The following CFAP74 variants were observed in gnomAD, a reference collection of about 807,000 sequenced individuals.
CFAP74 encodes cilia and flagella associated protein 74.
Under a neutral mutation model 188.9 loss-of-function variants are expected in CFAP74, and 124 were observed. The observed-to-expected ratio is 0.66, with a 90% confidence interval of 0.57 to 0.76. CFAP74 has a LOEUF of 0.76. CFAP74 is among the 30% of genes least tolerant of loss of function. The pLI, the probability that CFAP74 is intolerant of heterozygous loss-of-function variation, is 0.00. For synonymous variants in CFAP74, 956 were observed against 916.7 expected, an observed-to-expected ratio of 1.04 and a Z score of -0.77; for missense variants, 2,198 against 2,165.2, an observed-to-expected ratio of 1.02 and a Z score of -0.30.
chr1:1,993,825 A>G (rs1388452229), intron 1 of CFAP74, among the ~76,000 whole-genome samples: 1 of 138,526 alleles, frequency 7.2e-6, no homozygotes, highest in Non-Finnish European at 1.6e-5. Context: ...TACTAAAAAT[A>G]CAAAAAATTA....
chr1:1,944,556 A>G, intron 20 of CFAP74, 104 bp from the exon 21 acceptor site: 1 of 1,220,714 alleles, frequency 8.2e-7, no homozygotes, highest in South Asian at 1.4e-5. Context: ...CATGGGCTTG[A>G]GTTTTCTAAC....
At position 1,924,417 on chromosome 1, in the gene CFAP74, G is replaced by A. The variant is rs769266515; in HGVS notation, c.4208C>T (p.Ser1403Leu). The change falls in exon 34 of 39, where the codon TCG becomes TTG. Residue 1403 changes from serine to leucine, a missense_variant. Transcript: ENST00000682832. ...GQQQLPQFLS[S>L]PSQRTEVVGT... ...GACCACCTCCGTCCTCTGGGAGGGC[G>A]AGCTGAGGAACTGCGGCAGCTGCTG... 3.3e-5 allele frequency: 51 copies of A among 1,523,414 alleles called. No individual in the cohort carries two copies. Among genetic ancestry groups the A allele is most frequent in the Non-Finnish European group, 4.1e-5 (47 of 1,142,918 alleles). The allele number at this position is 1,523,414 out of a possible 1,614,324, so 94.4% of individuals were successfully genotyped here.
At position 1,975,528 on chromosome 1, in the gene CFAP74, C is replaced by T. The variant is rs573917774; in HGVS notation, c.501-1330G>A. 2.7e-4 allele frequency among the ~76,000 whole-genome samples: 41 copies of T among 152,152 alleles called. No homozygotes were observed. The highest frequency in any genetic ancestry group is 2.3e-3 in the Admixed American group (35 of 15,290). ...TCGTACGCCCACTTGGTTTTGGCATCGAGGTTGTGTCACTGCATTTTAGAA... is the reference window on the plus strand; with the variant it reads ...TCGTACGCCCACTTGGTTTTGGCATTGAGGTTGTGTCACTGCATTTTAGAA... On this transcript the variant is annotated intron_variant, in intron 6 of 38. Coordinates refer to ENST00000682832, the MANE Select transcript of CFAP74 (RefSeq NM_001304360.2). The surrounding 1 kb of genome is among the most constrained non-coding windows in gnomAD (Gnocchi z 4.5).
intron 1 of CFAP74, among the ~76,000 whole-genome samples, chr1:1,999,872 A>G (rs1253886404): frequency 6.6e-6 from 1 of 151,770 alleles, no homozygotes; most frequent in Non-Finnish European, 1.5e-5. Context: ...GGAAAGTTAA[A>G]GAAAACCTAC....
chr1:1,924,110 C>G (rs1330002049), intron 34 of CFAP74, among the ~76,000 whole-genome samples, 181 bp from the exon 35 acceptor site: 1 of 103,266 alleles, frequency 9.7e-6, no homozygotes, highest in Admixed American at 9.7e-5. Flanking sequence ...CCACCCCCCC[C>G]ATCTCACCAA....
intron 6 of CFAP74, among the ~76,000 whole-genome samples, chr1:1,980,573 C>T (rs943453062): frequency 4.6e-5 from 7 of 152,222 alleles, no homozygotes; most frequent in African/African-American, 1.7e-4. Context: ...CGGGCAGGGT[C>T]GTCTCTAGGG....
In CFAP74 at chr1:1,975,329, G is replaced by A. The variant is rs985103194; in HGVS notation, c.501-1131C>T. On this transcript the variant is annotated intron_variant, in intron 6 of 38. Coordinates refer to ENST00000682832, the MANE Select transcript of CFAP74 (RefSeq NM_001304360.2). This position sits in a 1 kb window ranked among gnomAD's most constrained non-coding sequence, Gnocchi z 4.5. ...ACTCAATGGTTTTCTCTTTTAACGT[G>A]TTAATGTCAAGGATTTCTAACGTTG... Among the ~76,000 whole-genome samples, 3 of 152,204 alleles carry A rather than the reference G, an allele frequency of 2.0e-5. No individual in the cohort carries two copies. Among genetic ancestry groups the A allele is most frequent in the African/African-American group, 7.2e-5 (3 of 41,454 alleles).
chr1:1,986,649 T>C (rs1230321851), intron 5 of CFAP74, among the ~76,000 whole-genome samples: 3 of 152,116 alleles, frequency 2.0e-5, no homozygotes, highest in Non-Finnish European at 4.4e-5. Context: ...ACCTCTCACC[T>C]CGCCCTCAGC....
intron 26 of CFAP74, 55 bp downstream of exon 26, chr1:1,930,005 A>G (rs766250136): frequency 3.5e-5 from 51 of 1,468,506 alleles, no homozygotes; most frequent in Non-Finnish European, 3.9e-5. Context: ...CCAGGGGTAA[A>G]TGCAGGTGGC....
At chr1:1,940,513 TG>T in intron 22 of CFAP74, 110 bp from the exon 23 acceptor site, 2 of 752,454 alleles carry the variant, frequency 2.7e-6, no homozygotes, top group South Asian at 3.8e-5. Context: ...ACGGCGTCTC[TG>T]GAACATCAGC....
chr1:1,946,254 C>T, intron 20 of CFAP74, 63 bp downstream of exon 20: 1 of 1,468,364 alleles, frequency 6.8e-7, no homozygotes, highest in Non-Finnish European at 9.0e-7. Context: ...AGGGCAGCTG[C>T]CACATGAGGC....
intron 20 of CFAP74, among the ~76,000 whole-genome samples, chr1:1,944,993 T>C (rs564375360): frequency 6.6e-6 from 1 of 152,296 alleles, no homozygotes; most frequent in East Asian, 1.9e-4. Context: ...TTCATACTCA[T>C]TAACATTTAG....
chr1:1,935,475 C>T lies in CFAP74; in HGVS notation c.3011+3380G>A, dbSNP rs79123627. 2.0e-3 allele frequency among the ~76,000 whole-genome samples: 173 copies of T among 84,484 alleles called. 7 individuals are homozygous for T. In the East Asian group the frequency reaches 0.067, roughly 33 times the overall value. The allele number at this position is 84,484 out of a possible 152,430, so 55.4% of individuals were successfully genotyped here. On this transcript the variant is annotated intron_variant, in intron 25 of 38. Transcript: ENST00000682832. ...TAGGTTGTAGGTACACAGGTGTGTG[C>T]GCGCTAGGTTGTAGGTACACATGTG...
At chr1:1,938,799 C>A in intron 25 of CFAP74, 56 bp downstream of exon 25, 1 of 1,515,532 alleles carries the variant, frequency 6.6e-7, no homozygotes, top group Non-Finnish European at 8.8e-7. Context: ...GGAAGGGGGG[C>A]CCCTCCTGAG....
intron 3 of CFAP74, 114 bp from the exon 4 acceptor site, chr1:1,988,769 C>A: frequency 1.4e-6 from 2 of 1,383,686 alleles, no homozygotes; most frequent in South Asian, 1.2e-5. Context: ...GCGGGAGCTG[C>A]GGGAGCTACA....
At chr1:1,971,276 T>G (rs771594292) in intron 9 of CFAP74, among the ~76,000 whole-genome samples, 2 of 133,422 alleles carry the variant, frequency 1.5e-5, no homozygotes, top group Non-Finnish European at 3.0e-5. Flanking sequence ...CATGCAAACC[T>G]GCACACACGT....
chr1:1,923,828 C>T lies in CFAP74; in HGVS notation c.4336G>A (p.Asp1446Asn), dbSNP rs150102199. Residue 1446 changes from aspartate to asparagine, a missense_variant, in exon 35 of 39, where the codon GAC becomes AAC. Physicochemically the swap from Asp to Asn is conservative, Grantham distance 23. Coordinates refer to ENST00000682832, the MANE Select transcript of CFAP74 (RefSeq NM_001304360.2). The surrounding 1 kb of genome is among the most constrained non-coding windows in gnomAD (Gnocchi z 6.3). ...TCGGAGAAGTAGAGGCTTTCGTGGT[C>T]GGGGCTGAAGGTGACAGTGAAGTCT... ...TQDFTVTFSP[D>N]HESLYFSDKL... The T allele has an allele frequency of 6.6e-5, 107 of 1,613,330 alleles. No individual in the cohort carries two copies. Among genetic ancestry groups the T allele is most frequent in the African/African-American group, 8.0e-5 (6 of 74,876 alleles).
rs913755294 is a variant in CFAP74, at chr1:1,968,150, T to C, written c.1245+485A>G. Among the ~76,000 whole-genome samples the C allele has an allele frequency of 2.6e-5, 4 of 151,996 alleles. No individual in the cohort carries two copies. The highest frequency in any genetic ancestry group is 7.3e-5 in the African/African-American group (3 of 41,362). On this transcript the variant is annotated intron_variant, in intron 11 of 38. Transcript: ENST00000682832. The surrounding 1 kb of genome is among the most constrained non-coding windows in gnomAD (Gnocchi z 4.3). ...AGTGAGTGAATGAATGAAGAAAGAA[T>C]GAGTGAGTGAACGAATAAAGGATGA...
intron 23 of CFAP74, among the ~76,000 whole-genome samples, chr1:1,940,096 G>T (rs1377502702): frequency 6.6e-6 from 1 of 152,230 alleles, no homozygotes; most frequent in Non-Finnish European, 1.5e-5. Context: ...CAGGTGCCTG[G>T]GACACAGCCC....
Sources: allele counts gnomAD v4.1 joint callset (sites outside exome capture counted in the v4.1 genomes callset), GRCh38; gene constraint gnomAD v4.1.1; non-coding constraint Gnocchi (gnomAD v3.1); transcripts MANE v1.5; gene names NCBI Gene and HGNC (gene_info 2026-07-23, HGNC 2026-07-21).